The following PAIP2 variants were observed in gnomAD, a reference collection of about 807,000 sequenced individuals.
PAIP2 encodes polyadenylate-binding protein-interacting protein 2.
Under a neutral mutation model 14.8 loss-of-function variants are expected in PAIP2, and 7 were observed. The observed-to-expected ratio is 0.47, with a 90% CI of 0.27 to 0.89. The LOEUF is 0.89. Among genes scored for constraint, PAIP2 ranks in the 40% least tolerant of loss-of-function variants. PAIP2 has a pLI of 0.13. For synonymous variants in PAIP2, 47 were observed against 45.3 expected (o/e 1.04, Z -0.15); for missense variants, 122 against 154.7 (o/e 0.79, Z 1.12).
intron 1 of PAIP2, among the ~76,000 whole-genome samples, chr5:139,355,255 C>T (rs1297789566): frequency 1.3e-5 from 2 of 151,312 alleles, no homozygotes; most frequent in East Asian, 1.9e-4. Context: ...CTGCAACCTC[C>T]ACTTCTTGGG....
At chr5:139,351,591 C>T (rs1010260216) in intron 1 of PAIP2, among the ~76,000 whole-genome samples, 14 of 152,134 alleles carry the variant, frequency 9.2e-5, no homozygotes, top group African/African-American at 2.7e-4. Flanking sequence ...ATGATAGGAT[C>T]GGAGAGGGAA....
intron 1 of PAIP2, among the ~76,000 whole-genome samples, chr5:139,343,789 T>C (rs1244772025): frequency 6.7e-6 from 1 of 149,200 alleles, no homozygotes; most frequent in Non-Finnish European, 1.5e-5. Flanking sequence ...CGCAATTGGC[T>C]CACTGCAACC....
rs1391105447 is a variant in PAIP2, at chr5:139,363,758, G to A, written c.-26-1G>A. 1.2e-6 allele frequency: 2 copies of A among 1,610,382 alleles called. No homozygotes were observed. The highest frequency in any genetic ancestry group is 4.5e-5 in the East Asian group (2 of 44,828). On this transcript the variant is annotated splice_acceptor_variant, in intron 1 of 3. Coordinates refer to ENST00000265192, the MANE Select transcript of PAIP2 (RefSeq NM_016480.5). LOFTEE classifies it low-confidence loss of function (5UTR_SPLICE). Reference sequence around the variant, plus strand: ...ATTAACTGTGCTGTTGTTCTTTTAAGGTTAAAAACGACAACCAACATCAGC... The same window carrying A: ...ATTAACTGTGCTGTTGTTCTTTTAAAGTTAAAAACGACAACCAACATCAGC...
intron 1 of PAIP2, among the ~76,000 whole-genome samples, chr5:139,342,231 C>G (rs1487632507): frequency 6.6e-6 from 1 of 152,056 alleles, no homozygotes; most frequent in African/African-American, 2.4e-5. Context: ...TCTCGCAGCT[C>G]TCTATCCGGG....
At chr5:139,356,870 G>GAGCA (rs930694920) in intron 1 of PAIP2, among the ~76,000 whole-genome samples, 1 of 142,230 alleles carries the variant, frequency 7.0e-6, no homozygotes, top group Non-Finnish European at 1.5e-5. Context: ...CTGAGTGACA[G>GAGCA]AGCAAGACTC....
At chr5:139,346,656 C>G (rs1049713757) in intron 1 of PAIP2, among the ~76,000 whole-genome samples, 1 of 151,514 alleles carries the variant, frequency 6.6e-6, no homozygotes, top group Non-Finnish European at 1.5e-5. Flanking sequence ...CTCAGCCTCC[C>G]GAGTAGCTGG....
At chr5:139,360,170 T>C (rs1561962535) in intron 1 of PAIP2, among the ~76,000 whole-genome samples, 1 of 151,690 alleles carries the variant, frequency 6.6e-6, no homozygotes, top group Non-Finnish European at 1.5e-5. Context: ...TTTCACCATA[T>C]TGGCCAGGCT....
chr5:139,353,616 A>C (rs949033455), intron 1 of PAIP2, among the ~76,000 whole-genome samples: 1 of 152,204 alleles, frequency 6.6e-6, no homozygotes, highest in Non-Finnish European at 1.5e-5. Flanking sequence ...TAATGTAATT[A>C]CAAAATAATT....
At chr5:139,350,466 A>T (rs1431947158) in intron 1 of PAIP2, among the ~76,000 whole-genome samples, 1 of 151,836 alleles carries the variant, frequency 6.6e-6, no homozygotes, top group East Asian at 1.9e-4. Context: ...CCCCATGTCT[A>T]CTAAAAATGC....
intron 1 of PAIP2, chr5:139,343,125 T>G (rs1451939502): frequency 6.6e-6 from 1 of 152,200 alleles, no homozygotes; most frequent in East Asian, 1.9e-4. Context: ...TAAGTAAAAG[T>G]TCTCTACAAT....
chr5:139,345,082 G>T (rs1756496788), intron 1 of PAIP2, among the ~76,000 whole-genome samples: 1 of 151,994 alleles, frequency 6.6e-6, no homozygotes, highest in Non-Finnish European at 1.5e-5. Flanking sequence ...GTCTTGCTCT[G>T]TTGCCCAGGC....
intron 1 of PAIP2, among the ~76,000 whole-genome samples, chr5:139,347,362 C>T (rs1756584146): frequency 6.6e-6 from 1 of 151,448 alleles, no homozygotes; most frequent in Non-Finnish European, 1.5e-5. Flanking sequence ...CTACCTCCAC[C>T]TCCCGAGTTC....
intron 2 of PAIP2, 111 bp downstream of exon 2, chr5:139,364,033 G>C: frequency 1.2e-6 from 1 of 864,972 alleles, no homozygotes; most frequent in Non-Finnish European, 1.8e-6. Context: ...TATGTAGACT[G>C]ATGTGCCACC....
At chr5:139,346,525 C>T (rs1581289201) in intron 1 of PAIP2, among the ~76,000 whole-genome samples, 2 of 151,158 alleles carry the variant, frequency 1.3e-5, no homozygotes, top group East Asian at 2.0e-4. Flanking sequence ...CGTGAGCCAC[C>T]GCACCTGGCC....
At chr5:139,344,774 T>C (rs1756486983) in intron 1 of PAIP2, among the ~76,000 whole-genome samples, 1 of 152,144 alleles carries the variant, frequency 6.6e-6, no homozygotes, top group South Asian at 2.1e-4. Context: ...AGGGTAGACT[T>C]TGGGATTTTC....
intron 3 of PAIP2, among the ~76,000 whole-genome samples, chr5:139,366,540 C>T (rs568915700): frequency 3.3e-5 from 5 of 152,222 alleles, no homozygotes; most frequent in Admixed American, 3.3e-4. Flanking sequence ...CCCATTTGAG[C>T]AGCTGTATGA....
intron 3 of PAIP2, among the ~76,000 whole-genome samples, chr5:139,365,385 AAGGCTG>A (rs1437806440): frequency 7.0e-6 from 1 of 143,578 alleles, no homozygotes; most frequent in Admixed American, 7.0e-5. Context: ...AGCTACTCAA[AAGGCTG>A]AGGCAGGAGA....
At chr5:139,352,488 G>GTTTTTTTTTTTTTT (rs1185620394) in intron 1 of PAIP2, among the ~76,000 whole-genome samples, 123 of 94,786 alleles carry the variant, frequency 1.3e-3, no homozygotes, top group African/African-American at 3.5e-3. Context: ...ATTCCTGCCA[G>GTTTTTTTTTTTTTT]TTTTTTTTTT....
intron 1 of PAIP2, among the ~76,000 whole-genome samples, chr5:139,347,482 C>T (rs778296694): frequency 1.3e-5 from 2 of 151,748 alleles, no homozygotes; most frequent in African/African-American, 2.4e-5. Context: ...CCATATTGGC[C>T]GGGCTTTTCT....
Sources: gnomAD v4.1 joint callset for allele counts (sites outside exome capture counted in the v4.1 genomes callset) on GRCh38, gnomAD v4.1.1 for gene constraint, MANE v1.5 for transcripts, NCBI Gene and HGNC (gene_info 2026-07-23, HGNC 2026-07-21) for gene names.